Variants in RAPGEF2 observed in about 807,000 individuals in gnomAD.
The protein encoded by RAPGEF2 is PDZ domain containing guanine nucleotide exchange factor (GEF) 1.
A neutral mutation model predicts 186.7 loss-of-function variants in RAPGEF2; 54 were observed. That is an observed-to-expected ratio of 0.29 (90% CI 0.23 to 0.36). The LOEUF (loss-of-function observed/expected upper bound fraction) is 0.36. Ranked by LOEUF, RAPGEF2 falls within the 10% of genes least tolerant of loss-of-function variation. The pLI is 1.00. For missense variants in RAPGEF2, 1,532 were observed against 2,045.0 expected, an observed-to-expected ratio of 0.75 and a Z score of 4.84; for synonymous variants, 712 against 705.9, an observed-to-expected ratio of 1.01 and a Z score of -0.14.
intron 2 of RAPGEF2, among the ~76,000 whole-genome samples, chr4:159,187,193 GT>G (rs1747647467): frequency 6.6e-6 from 1 of 152,130 alleles, no homozygotes; most frequent in South Asian, 2.1e-4. Context: ...CTTTTACAAA[GT>G]TGAATTCAAT....
rs1744257186 is a variant in RAPGEF2, at chr4:159,157,541, T to C, written c.70-29101T>C. Among the ~76,000 whole-genome samples the C allele has an allele frequency of 7.2e-5, 11 of 152,364 alleles. No individual in the cohort carries two copies. The South Asian group carries it at 2.3e-3, about 32-fold the overall frequency. ...GAGTCAGACCTTTGACTTAACTGAC[T>C]ATGTCTGTTAGCCAAAATGGATAAG... On this transcript the variant is annotated intron_variant, in intron 1 of 29. Transcript: ENST00000691494.
intron 4 of RAPGEF2, among the ~76,000 whole-genome samples, chr4:159,225,349 A>G (rs1215096767): frequency 6.6e-6 from 1 of 152,240 alleles, no homozygotes; most frequent in African/African-American, 2.4e-5. Context: ...GATTTATAAA[A>G]TTACTGAATT....
At chr4:159,181,169 T>A (rs1746970088) in intron 1 of RAPGEF2, among the ~76,000 whole-genome samples, 1 of 152,176 alleles carries the variant, frequency 6.6e-6, no homozygotes, top group African/African-American at 2.4e-5. Flanking sequence ...GAGCTAGCTT[T>A]TTATCTTTGA....
At chr4:159,270,344 TA>T (rs1426660893) in intron 7 of RAPGEF2, among the ~76,000 whole-genome samples, 1 of 152,142 alleles carries the variant, frequency 6.6e-6, no homozygotes, top group African/African-American at 2.4e-5. Context: ...AGTTGTTGGG[TA>T]AAAATGAGTG....
At position 159,353,369 on chromosome 4, in the gene RAPGEF2, T is replaced by C; in HGVS notation, c.4092-118T>C. ...AGGCAATTCAGTGCTACTTTTATCCTGTTTCTGGGATGAAAGCAAGCTACC... is the reference window on the plus strand; with the variant it reads ...AGGCAATTCAGTGCTACTTTTATCCCGTTTCTGGGATGAAAGCAAGCTACC... On this transcript the variant is annotated intron_variant, in intron 27 of 29. Coordinates refer to ENST00000691494, the MANE Select transcript of RAPGEF2 (RefSeq NM_001394067.2). The surrounding 1 kb of genome is among the most constrained non-coding windows in gnomAD (Gnocchi z 4.3). The C allele has an allele frequency of 1.3e-6, 1 of 766,564 alleles. No homozygotes were observed. Among genetic ancestry groups the C allele is most frequent in the Non-Finnish European group, 1.9e-6 (1 of 527,518 alleles). 47.5% of individuals were successfully genotyped at this position (766,564 alleles called of 1,614,324 possible).
intron 7 of RAPGEF2, among the ~76,000 whole-genome samples, chr4:159,251,819 C>T (rs1451640689): frequency 2.0e-5 from 3 of 151,904 alleles, no homozygotes; most frequent in Non-Finnish European, 4.4e-5. Context: ...TGGGTGGGGT[C>T]AGATAAGGGA....
At chr4:159,144,210 C>T (rs1416416151) in intron 1 of RAPGEF2, among the ~76,000 whole-genome samples, 3 of 151,840 alleles carry the variant, frequency 2.0e-5, no homozygotes, top group Non-Finnish European at 4.4e-5. Flanking sequence ...AAAGTTCATC[C>T]GAATACTGTC....
intron 1 of RAPGEF2, among the ~76,000 whole-genome samples, chr4:159,125,803 A>T (rs1006786645): frequency 2.0e-5 from 3 of 151,946 alleles, no homozygotes; most frequent in African/African-American, 7.2e-5. Context: ...CTGTGCATCT[A>T]TGACAATTTT....
chr4:159,177,993 T>G (rs1304780370), intron 1 of RAPGEF2, among the ~76,000 whole-genome samples: 4 of 152,216 alleles, frequency 2.6e-5, no homozygotes, highest in African/African-American at 9.7e-5. Flanking sequence ...TTCCTCCTTA[T>G]GTTTAAGTCC....
chr4:159,266,867 A>G (rs1757495388), intron 7 of RAPGEF2: 2 of 174,276 alleles, frequency 1.1e-5, no homozygotes, highest in Admixed American at 1.1e-4. Context: ...CCGTTTTCCC[A>G]CCCTGTCTTC....
intron 1 of RAPGEF2, among the ~76,000 whole-genome samples, chr4:159,154,519 T>TAAAAA (rs60579601): frequency 2.7e-5 from 4 of 148,384 alleles, no homozygotes; most frequent in African/African-American, 7.5e-5. Context: ...TTTTTTTTTT[T>TAAAAA]AAAAAAAACA....
At chr4:159,210,325 AG>A (rs1416650375) in intron 3 of RAPGEF2, among the ~76,000 whole-genome samples, 174 bp from the exon 4 acceptor site, 1 of 152,256 alleles carries the variant, frequency 6.6e-6, no homozygotes, top group Non-Finnish European at 1.5e-5. Flanking sequence ...AGGGATACAA[AG>A]TAATTTGTAA....
At chr4:159,159,974 TG>T (rs956066948) in intron 1 of RAPGEF2, among the ~76,000 whole-genome samples, 18 of 152,230 alleles carry the variant, frequency 1.2e-4, no homozygotes, top group African/African-American at 4.1e-4. Context: ...TTCATCTATA[TG>T]GAAAAAAACC....
intron 1 of RAPGEF2, among the ~76,000 whole-genome samples, chr4:159,137,443 G>GCC (rs950030969): frequency 1.3e-5 from 2 of 152,116 alleles, no homozygotes; most frequent in African/African-American, 4.8e-5. Context: ...CTGGACCAGG[G>GCC]CCCCTCCCTT....
rs150379967 is a variant in RAPGEF2 at position 159,331,665 on chromosome 4, G to T, written c.1611G>T (p.Ala537=). The change falls in exon 15 of 30, where the codon GCG becomes GCT. Residue 537 remains alanine (A), a synonymous_variant. Transcript: ENST00000691494. ...GACACCTAAGGCTGTTGAATATCGCGTGTGCTGCTAAAGCAAAAAGAAGAT... is the reference window on the plus strand; with the variant it reads ...GACACCTAAGGCTGTTGAATATCGCTTGTGCTGCTAAAGCAAAAAGAAGAT... ...MGGHLRLLNI[A]CAAKAKRRLM... is the part of the protein sequence containing the mutation. The T allele has an allele frequency of 5.0e-6, 8 of 1,614,000 alleles. No individual in the cohort carries two copies. The highest frequency in any genetic ancestry group is 1.6e-4 in the Middle Eastern group (1 of 6,082).
intron 1 of RAPGEF2, among the ~76,000 whole-genome samples, chr4:159,122,038 C>CAAAAA (rs70962654): frequency 2.0e-3 from 104 of 51,368 alleles, no homozygotes; most frequent in African/African-American, 2.4e-3. Flanking sequence ...GACTCCATCT[C>CAAAAA]AAAAAAAAAA....
At chr4:159,183,704 A>C (rs1196512166) in intron 1 of RAPGEF2, among the ~76,000 whole-genome samples, 2 of 152,242 alleles carry the variant, frequency 1.3e-5, no homozygotes, top group East Asian at 3.8e-4. Context: ...TTACAATTTA[A>C]TGATAAAAAG....
At chr4:159,337,311 A>G (rs985971040) in intron 17 of RAPGEF2, among the ~76,000 whole-genome samples, 1 of 152,230 alleles carries the variant, frequency 6.6e-6, no homozygotes, top group Non-Finnish European at 1.5e-5. Flanking sequence ...ATTTGACTCC[A>G]TAGTGATCTC....
intron 1 of RAPGEF2, among the ~76,000 whole-genome samples, chr4:159,115,471 C>A (rs532270100): frequency 6.6e-6 from 1 of 152,064 alleles, no homozygotes; most frequent in Non-Finnish European, 1.5e-5. Flanking sequence ...TGTAAACATA[C>A]AGGTGTGGAC....
Sources: gnomAD v4.1 joint callset for allele counts (sites outside exome capture counted in the v4.1 genomes callset) on GRCh38, gnomAD v4.1.1 for gene constraint, Gnocchi (gnomAD v3.1) non-coding constraint, MANE v1.5 for transcripts, NCBI Gene and HGNC (gene_info 2026-07-23, HGNC 2026-07-21) for gene names.